Variants in NRG3 observed in about 807,000 individuals in gnomAD.
NRG3 encodes the protein neuregulin 3, also known as pro-neuregulin-3, membrane-bound isoform.
NRG3 carries 31 observed loss-of-function variants against 66.9 expected under a neutral mutation model. That is an observed-to-expected ratio of 0.46 (90% confidence interval 0.35 to 0.63). NRG3 has a LOEUF of 0.63. Ranked by LOEUF, NRG3 falls within the 20% of genes least tolerant of loss-of-function variation. The pLI, the probability that NRG3 is intolerant of heterozygous loss-of-function variation, is 0.00. For synonymous variants in NRG3, 393 were observed against 359.4 expected (o/e 1.09, Z -1.06); for missense variants, 910 against 878.9 (o/e 1.04, Z -0.45).
intron 2 of NRG3, among the ~76,000 whole-genome samples, chr10:82,553,135 T>A (rs2044430130): frequency 6.6e-6 from 1 of 151,978 alleles, no homozygotes; most frequent in African/African-American, 2.4e-5. Context: ...ATTCTAAAGA[T>A]CAAGTCAGGA....
chr10:82,817,791 T>G (rs2061777944), intron 3 of NRG3, among the ~76,000 whole-genome samples: 2 of 152,248 alleles, frequency 1.3e-5, no homozygotes, highest in Admixed American at 1.3e-4. Flanking sequence ...TGCTTCTTTT[T>G]GTATAGCAGC....
At chr10:82,619,822 C>G (rs2048919511) in intron 2 of NRG3, among the ~76,000 whole-genome samples, 1 of 152,122 alleles carries the variant, frequency 6.6e-6, no homozygotes, top group South Asian at 2.1e-4. Context: ...ATCCACAAGC[C>G]AAGGAGAAAG....
chr10:82,139,110 G>A (rs541853501), intron 1 of NRG3, among the ~76,000 whole-genome samples: 1 of 152,166 alleles, frequency 6.6e-6, no homozygotes, highest in Admixed American at 6.5e-5. Context: ...ATAATCCAAG[G>A]TGAAATGGAC....
chr10:82,505,766 A>G (rs1388847372), intron 2 of NRG3, among the ~76,000 whole-genome samples: 1 of 152,198 alleles, frequency 6.6e-6, no homozygotes, highest in Non-Finnish European at 1.5e-5. Flanking sequence ...TTCTTTTTCC[A>G]ACCTCACTTT....
chr10:82,053,026 T>C (rs2063671816), intron 1 of NRG3, among the ~76,000 whole-genome samples: 1 of 147,448 alleles, frequency 6.8e-6, no homozygotes, highest in Non-Finnish European at 1.5e-5. Context: ...ATTTATCAAA[T>C]GTTTTTATTC....
At chr10:82,508,527 T>C (rs1357658240) in intron 2 of NRG3, among the ~76,000 whole-genome samples, 2 of 152,100 alleles carry the variant, frequency 1.3e-5, no homozygotes, top group African/African-American at 4.8e-5. Context: ...CTACAAACCA[T>C]TGAAAGCAAA....
intron 2 of NRG3, among the ~76,000 whole-genome samples, chr10:82,616,838 C>G (rs1002538555): frequency 6.6e-6 from 1 of 152,164 alleles, no homozygotes; most frequent in African/African-American, 2.4e-5. Flanking sequence ...TTAATAGTCT[C>G]TGGCCCAAAC....
intron 2 of NRG3, among the ~76,000 whole-genome samples, chr10:82,514,355 T>G (rs1845462399): frequency 1.3e-5 from 2 of 152,184 alleles, no homozygotes; most frequent in South Asian, 4.1e-4. Context: ...CTTCAGTTAA[T>G]TTTTGTATGA....
intron 2 of NRG3, among the ~76,000 whole-genome samples, chr10:82,581,928 T>C (rs879806866): frequency 7.2e-6 from 1 of 139,688 alleles, no homozygotes; most frequent in Non-Finnish European, 1.6e-5. Context: ...AGATACACTT[T>C]TTTTGCATAG....
chr10:82,131,903 AGTTT>A (rs775747725), intron 1 of NRG3, among the ~76,000 whole-genome samples: 5 of 152,170 alleles, frequency 3.3e-5, no homozygotes, highest in South Asian at 4.1e-4. Context: ...AACTTTGCTC[AGTTT>A]GTTTATCAGT....
intron 3 of NRG3, among the ~76,000 whole-genome samples, chr10:82,860,142 A>G (rs1205256385): frequency 1.7e-4 from 26 of 152,188 alleles, no homozygotes; most frequent in Non-Finnish European, 7.3e-5. Context: ...CCTCGTTGTG[A>G]AGAAATTTCC....
At chr10:82,519,233 A>G (rs1036672685) in intron 2 of NRG3, among the ~76,000 whole-genome samples, 1 of 152,116 alleles carries the variant, frequency 6.6e-6, no homozygotes, top group Non-Finnish European at 1.5e-5. Flanking sequence ...TCTTAGGAGA[A>G]TCTATAGTCT....
intron 5 of NRG3, among the ~76,000 whole-genome samples, chr10:82,956,520 A>G (rs1421318706): frequency 1.3e-5 from 2 of 152,074 alleles, no homozygotes; most frequent in South Asian, 2.1e-4. Flanking sequence ...TGAGTGAAAA[A>G]AGACTAAAGG....
chr10:82,784,761 T>C (rs1439853842), intron 3 of NRG3, among the ~76,000 whole-genome samples: 1 of 152,002 alleles, frequency 6.6e-6, no homozygotes, highest in Non-Finnish European at 1.5e-5. Flanking sequence ...TTGGTGGGAC[T>C]GTAAACTAGT....
intron 1 of NRG3, among the ~76,000 whole-genome samples, chr10:81,932,430 T>C (rs1439010845): frequency 2.6e-5 from 4 of 152,118 alleles, no homozygotes; most frequent in Admixed American, 2.0e-4. Flanking sequence ...GGGACAAATA[T>C]CCCAACTATA....
chr10:82,225,257 A>G (rs964457958), intron 1 of NRG3: 1 of 152,236 alleles, frequency 6.6e-6, no homozygotes, highest in Non-Finnish European at 1.5e-5. Context: ...TCAGTTGAAT[A>G]TCATTTGCAA....
In NRG3 at chr10:82,736,457, A is replaced by G. The variant is rs2058158059; in HGVS notation, c.954-2120A>G. On this transcript the variant is annotated intron_variant, in intron 2 of 8. Coordinates refer to ENST00000372141, the MANE Select transcript of NRG3 (RefSeq NM_001010848.4). ...CAATTAGCAGTGACTCGCCTCCTTA[A>G]CAAAGGAACAGGGTTTGCTGCCTGC... Among the ~76,000 whole-genome samples, 5 of 152,204 alleles carry G rather than the reference A, an allele frequency of 3.3e-5. No individual in the cohort carries two copies. In the South Asian group the frequency reaches 1.0e-3, roughly 32 times the overall value.
chr10:82,314,756 G>A (rs1024437505), intron 1 of NRG3, among the ~76,000 whole-genome samples: 2 of 152,214 alleles, frequency 1.3e-5, no homozygotes, highest in African/African-American at 4.8e-5. Context: ...CTTTCAGTGA[G>A]CTGAGATCTC....
chr10:82,673,469 G>T (rs1048885870), intron 2 of NRG3, among the ~76,000 whole-genome samples: 1 of 152,090 alleles, frequency 6.6e-6, no homozygotes, highest in Non-Finnish European at 1.5e-5. Flanking sequence ...TGCTTAAAGT[G>T]GCAATTTCTA....
Sources: gnomAD v4.1 joint callset for allele counts (sites outside exome capture counted in the v4.1 genomes callset) on GRCh38, gnomAD v4.1.1 for gene constraint, MANE v1.5 for transcripts, NCBI Gene and HGNC (gene_info 2026-07-23, HGNC 2026-07-21) for gene names.